Variants in SH2D3C observed in about 807,000 individuals in gnomAD.
SH2D3C encodes the protein SH2 domain containing 3C.
SH2D3C carries 25 observed loss-of-function variants against 75.2 expected under a neutral mutation model. That is an observed-to-expected ratio of 0.33 (90% CI 0.24 to 0.46). SH2D3C has a LOEUF of 0.46. Ranked by LOEUF, SH2D3C falls within the 20% of genes least tolerant of loss-of-function variation. The pLI is 1.00. For synonymous variants in SH2D3C, 450 were observed against 473.7 expected (o/e 0.95, Z 0.65); for missense variants, 933 against 1,165.3 (o/e 0.80, Z 2.90).
chr9:127,771,250 C>T, intron 2 of SH2D3C: 2 of 1,543,074 alleles, frequency 1.3e-6, no homozygotes, highest in Non-Finnish European at 8.7e-7. Flanking sequence ...CTGTCGCCGC[C>T]GGCAACCCGG....
At chr9:127,778,091 G>A (rs1829060979) in intron 1 of SH2D3C, among the ~76,000 whole-genome samples, 2 of 152,192 alleles carry the variant, frequency 1.3e-5, no homozygotes, top group South Asian at 2.1e-4. Flanking sequence ...GGGTTCAAGC[G>A]TTTCTTCTGC....
Position 127,774,524 on chromosome 9 carries a change from A to C in SH2D3C, c.38-57T>G, listed in dbSNP as rs1845782785. The C allele has an allele frequency of 4.5e-6, 4 of 893,898 alleles. No individual in the cohort carries two copies. Among genetic ancestry groups the C allele is most frequent in the Non-Finnish European group, 7.4e-6 (4 of 544,116 alleles). 55.4% of individuals were successfully genotyped at this position (893,898 alleles called of 1,614,324 possible). On this transcript the variant is annotated intron_variant, in intron 1 of 11. Transcript: ENST00000314830. The surrounding 1 kb of genome is among the most constrained non-coding windows in gnomAD (Gnocchi z 4.3). ...AATGACAATGTCAACATCAGTGATAATAATGAACAATTCCTGCAGTTTCAC... is the reference window on the plus strand; with the variant it reads ...AATGACAATGTCAACATCAGTGATACTAATGAACAATTCCTGCAGTTTCAC...
chr9:127,749,551 T>C lies in SH2D3C; in HGVS notation c.799A>G (p.Ile267Val). ...RWRNQALHFK[I>V]NKVVVKAGES... ...CCTGCCTTCACCACCACCTTGTTGA[T>C]CTTGAAGTGCAAGGCCTGGTTGCGC... is the stretch of plus-strand genomic sequence containing the variant. Residue 267 changes from isoleucine (I) to valine (V), a missense_variant, in exon 5 of 12, where the codon ATC becomes GTC. By Grantham distance (29) the Ile-to-Val change is conservative. Coordinates refer to ENST00000314830, the MANE Select transcript of SH2D3C (RefSeq NM_170600.3). The surrounding 1 kb of genome is among the most constrained non-coding windows in gnomAD (Gnocchi z 5.9). The C allele has an allele frequency of 6.2e-7, 1 of 1,613,572 alleles. No individual in the cohort carries two copies. Among genetic ancestry groups the C allele is most frequent in the Middle Eastern group, 1.6e-4 (1 of 6,062 alleles).
chr9:127,776,569 C>T (rs1845814100), intron 1 of SH2D3C, among the ~76,000 whole-genome samples: 1 of 152,216 alleles, frequency 6.6e-6, no homozygotes, highest in Admixed American at 6.5e-5. Context: ...CCACCACCAA[C>T]TGACTTCCCC....
chr9:127,744,461 A>C, intron 7 of SH2D3C, 103 bp downstream of exon 7: 1 of 1,405,292 alleles, frequency 7.1e-7, no homozygotes, highest in South Asian at 1.4e-5. Flanking sequence ...GCTAGAATCC[A>C]GGCCCACCTG....
chr9:127,738,883 T>A lies in SH2D3C; in HGVS notation c.2446A>T (p.Thr816Ser). The A allele has an allele frequency of 6.3e-7, 1 of 1,597,514 alleles. No homozygotes were observed. Among genetic ancestry groups the A allele is most frequent in the Non-Finnish European group, 8.5e-7 (1 of 1,172,086 alleles). ...ARPELLEVFS[T>S]EFQMRLLWGS... ...CAGAGAAGGCGCATCTGGAACTCCGTGCTGAACACCTCCAGGAGCTCCGGC... is the reference window on the plus strand; with the variant it reads ...CAGAGAAGGCGCATCTGGAACTCCGAGCTGAACACCTCCAGGAGCTCCGGC... Residue 816 changes from threonine to serine, a missense_variant, in exon 12 of 12, where the codon ACG becomes TCG. By Grantham distance (58) the Thr-to-Ser change is moderately conservative. Coordinates refer to ENST00000314830, the MANE Select transcript of SH2D3C (RefSeq NM_170600.3). This position sits in a 1 kb window ranked among gnomAD's most constrained non-coding sequence, Gnocchi z 5.0.
chr9:127,760,171 T>C (rs745552394), intron 3 of SH2D3C, among the ~76,000 whole-genome samples: 13 of 152,020 alleles, frequency 8.6e-5, no homozygotes, highest in Non-Finnish European at 1.6e-4. Flanking sequence ...TTGGATCTGA[T>C]GGATTGCAAA....
At position 127,739,924 on chromosome 9, in the gene SH2D3C, T is replaced by C. The variant is rs1382004774; in HGVS notation, c.2201-36A>G. On this transcript the variant is annotated intron_variant, in intron 10 of 11. Transcript: ENST00000314830. The surrounding 1 kb of genome is among the most constrained non-coding windows in gnomAD (Gnocchi z 4.3). ...AAAGGCAGCAGGCGCTTAAAGATCC[T>C]GTAGTGCCCCACCATCCACTGCAGT... The C allele has an allele frequency of 6.8e-7, 1 of 1,480,528 alleles. No individual in the cohort carries two copies. The highest frequency in any genetic ancestry group is 9.1e-7 in the Non-Finnish European group (1 of 1,104,416). The allele number at this position is 1,480,528 out of a possible 1,614,324, so 91.7% of individuals were successfully genotyped here. A position where few individuals can be genotyped will look rare whatever the true frequency, so the allele number is the denominator to read the frequency against.
At chr9:127,765,835 CT>C (rs988522696) in intron 2 of SH2D3C, among the ~76,000 whole-genome samples, 1 of 152,168 alleles carries the variant, frequency 6.6e-6, no homozygotes, top group African/African-American at 2.4e-5. Context: ...AAAGAGACTT[CT>C]CCTGCCATAT....
intron 2 of SH2D3C, among the ~76,000 whole-genome samples, chr9:127,770,500 G>C (rs1357680860): frequency 1.3e-5 from 2 of 152,174 alleles, no homozygotes; most frequent in Non-Finnish European, 2.9e-5. Context: ...GATCTCATGG[G>C]CCAGGCTGCT....
At chr9:127,742,078 T>G (rs1487521657) in intron 8 of SH2D3C, 119 bp from the exon 9 acceptor site, 1 of 960,986 alleles carries the variant, frequency 1.0e-6, no homozygotes. Context: ...CGTGAGAGGT[T>G]GTAAGGGTCA....
intron 3 of SH2D3C, among the ~76,000 whole-genome samples, chr9:127,757,645 G>T (rs10760496): frequency 0.81 from 97,720 of 120,778 alleles, 39,112 homozygotes; most frequent in East Asian, 0.89. Context: ...TGATGATGAT[G>T]ATTATTATTA....
chr9:127,771,185 C>G (rs1301541296), intron 2 of SH2D3C: 1 of 1,543,730 alleles, frequency 6.5e-7, no homozygotes, highest in Non-Finnish European at 8.7e-7. Context: ...CGGTCACTCA[C>G]CCTCGGGACC....
At chr9:127,747,086 G>T in intron 6 of SH2D3C, 61 bp downstream of exon 6, 1 of 1,565,820 alleles carries the variant, frequency 6.4e-7, no homozygotes, top group Non-Finnish European at 8.7e-7. Context: ...CCACACATAG[G>T]TGACAGAAGT....
chr9:127,757,225 AG>A (rs1845406826), intron 3 of SH2D3C, among the ~76,000 whole-genome samples: 1 of 149,874 alleles, frequency 6.7e-6, no homozygotes. Context: ...CCAGCCTAGG[AG>A]GGGGCTTTTG....
chr9:127,769,524 C>T lies in SH2D3C; in HGVS notation c.515+4466G>A, dbSNP rs145981474. 7.1e-3 allele frequency among the ~76,000 whole-genome samples: 1,071 copies of T among 151,902 alleles called. 10 individuals are homozygous for T. Among genetic ancestry groups the T allele is most frequent in the African/African-American group, 0.024 (1,010 of 41,410 alleles). ...ACACAAAATTAGCCAGGCGTGGTGGCGCATGCCTGTAATCCCAGCTACTCG... is the reference window on the plus strand; with the variant it reads ...ACACAAAATTAGCCAGGCGTGGTGGTGCATGCCTGTAATCCCAGCTACTCG... On this transcript the variant is annotated intron_variant, in intron 2 of 11. Transcript: ENST00000314830.
intron 3 of SH2D3C, among the ~76,000 whole-genome samples, chr9:127,760,492 T>C (rs748768689): frequency 2.0e-5 from 3 of 152,070 alleles, no homozygotes; most frequent in Non-Finnish European, 2.9e-5. Flanking sequence ...ATACCTAATG[T>C]AGATCATGGG....
rs183136503 is a variant in SH2D3C at position 127,776,412 on chromosome 9, C to G, written c.38-1945G>C. ...GGTTGTTGTGAGCCTGAGGGTCGCA[C>G]TGTCTGTGGTTCTCTCCTTCCTGTC... On this transcript the variant is annotated intron_variant, in intron 1 of 11. Transcript: ENST00000314830. 9.9e-5 allele frequency among the ~76,000 whole-genome samples: 15 copies of G among 151,982 alleles called. No homozygotes were observed. In the East Asian group the frequency reaches 2.9e-3, roughly 30 times the overall value.
intron 2 of SH2D3C, chr9:127,762,224 C>T (rs1845545500): frequency 8.3e-7 from 1 of 1,201,906 alleles, no homozygotes; most frequent in Non-Finnish European, 1.1e-6. Flanking sequence ...ATTCTGCCCC[C>T]AGGGTGGAGA....
Sources: gnomAD v4.1 joint callset for allele counts (sites outside exome capture counted in the v4.1 genomes callset) on GRCh38, gnomAD v4.1.1 for gene constraint, Gnocchi (gnomAD v3.1) non-coding constraint, MANE v1.5 for transcripts, NCBI Gene and HGNC (gene_info 2026-07-23, HGNC 2026-07-21) for gene names.